The following DHRS3 variants were observed in gnomAD, a reference collection of about 807,000 sequenced individuals.
The protein encoded by DHRS3 is dehydrogenase/reductase 3.
A neutral mutation model predicts 27.2 loss-of-function variants in DHRS3; 14 were observed. That is an observed-to-expected ratio of 0.52 (90% CI 0.34 to 0.81). DHRS3 has a LOEUF of 0.81. Ranked by LOEUF, DHRS3 falls within the 30% of genes least tolerant of loss-of-function variation. The probability of loss-of-function intolerance (pLI) is 0.01; values close to 1 mark genes in which losing one functional copy is unlikely to be tolerated. For synonymous variants in DHRS3, 165 were observed against 175.9 expected, an observed-to-expected ratio of 0.94 and a Z score of 0.49; for missense variants, 322 against 406.2, an observed-to-expected ratio of 0.79 and a Z score of 1.78.
rs1239539086 is a variant in DHRS3 at position 12,586,325 on chromosome 1, CT to C, written c.196-5660del. On this transcript the variant is annotated intron_variant, in intron 1 of 5. Transcript: ENST00000616661. The surrounding 1 kb of genome is among the most constrained non-coding windows in gnomAD (Gnocchi z 5.0). ...GCCTTGGCCCTTTGCAGAGGCACCC[CT>C]AAGCCCCCAGGCACGGTGGGGTCGT... 2.0e-5 allele frequency among the ~76,000 whole-genome samples: 3 copies of C among 152,236 alleles called. No individual in the cohort carries two copies. The highest frequency in any genetic ancestry group is 7.2e-5 in the African/African-American group (3 of 41,458).
chr1:12,606,031 G>A (rs1646868068), intron 1 of DHRS3, among the ~76,000 whole-genome samples: 1 of 151,458 alleles, frequency 6.6e-6, no homozygotes, highest in Admixed American at 6.6e-5. Flanking sequence ...CCAGCTACTT[G>A]GGAGGCTGAG....
chr1:12,605,981 A>T (rs966954577), intron 1 of DHRS3, among the ~76,000 whole-genome samples: 15 of 152,072 alleles, frequency 9.9e-5, no homozygotes, highest in Non-Finnish European at 2.2e-4. Flanking sequence ...TCTACTAAAA[A>T]TACAAAAATT....
At chr1:12,569,217 C>T (rs894568025) in intron 5 of DHRS3, among the ~76,000 whole-genome samples, 31,078 of 141,182 alleles carry the variant, frequency 0.22, 3,676 homozygotes, top group East Asian at 0.44. Context: ...AACTCTGTCC[C>T]CTCTCTCTCT....
intron 1 of DHRS3, among the ~76,000 whole-genome samples, chr1:12,597,800 G>A (rs1054784510): frequency 3.9e-5 from 6 of 152,190 alleles, no homozygotes; most frequent in Non-Finnish European, 8.8e-5. Context: ...CACATCATTC[G>A]CAGGGTCCCT....
chr1:12,572,485 T>TC (rs1029327507), intron 5 of DHRS3, among the ~76,000 whole-genome samples: 13 of 152,250 alleles, frequency 8.5e-5, no homozygotes, highest in African/African-American at 2.7e-4. Context: ...TTTTAATTTC[T>TC]AATATAGTAA....
At chr1:12,585,350 T>TACA (rs377051714) in intron 1 of DHRS3, among the ~76,000 whole-genome samples, 110 of 150,658 alleles carry the variant, frequency 7.3e-4, no homozygotes, top group African/African-American at 2.6e-3. Context: ...TGTCTCTGTG[T>TACA]GAGTGTGTGT....
intron 5 of DHRS3, among the ~76,000 whole-genome samples, chr1:12,571,556 G>A (rs1646537426): frequency 6.8e-6 from 1 of 146,652 alleles, no homozygotes; most frequent in African/African-American, 2.5e-5. Context: ...TTGAGACGGA[G>A]TCTTGTTCTT....
At position 12,586,193 on chromosome 1, in the gene DHRS3, C is replaced by T. The variant is rs949298611; in HGVS notation, c.196-5527G>A. On this transcript the variant is annotated intron_variant, in intron 1 of 5. Transcript: ENST00000616661. The surrounding 1 kb of genome is among the most constrained non-coding windows in gnomAD (Gnocchi z 5.0). The stretch of plus-strand genomic sequence containing the variant: ...AGACAGATTCCTCAGCAGCCCTCTG[C>T]GCTGAAGGCTGTCATTATCCGTGGT... 6.6e-5 allele frequency among the ~76,000 whole-genome samples: 10 copies of T among 152,188 alleles called. No individual in the cohort carries two copies. The highest frequency in any genetic ancestry group is 1.7e-4 in the African/African-American group (7 of 41,448).
At chr1:12,595,134 A>AAGGCAGCTCCGGGGGAAG (rs1273815348) in intron 1 of DHRS3, among the ~76,000 whole-genome samples, 1 of 152,082 alleles carries the variant, frequency 6.6e-6, no homozygotes, top group African/African-American at 2.4e-5. Context: ...CCAGGTGGCA[A>AAGGCAGCTCCGGGGGAAG]AGGCAGCTCC....
chr1:12,606,486 AT>A (rs1311269000), intron 1 of DHRS3, among the ~76,000 whole-genome samples: 1 of 151,814 alleles, frequency 6.6e-6, no homozygotes, highest in African/African-American at 2.4e-5. Flanking sequence ...ATTTTATTTT[AT>A]TTTATTTATT....
chr1:12,604,127 T>C (rs1429098246), intron 1 of DHRS3, among the ~76,000 whole-genome samples: 1 of 152,198 alleles, frequency 6.6e-6, no homozygotes, highest in Non-Finnish European at 1.5e-5. Flanking sequence ...CTTGAAGGGC[T>C]CTACAACCAG....
chr1:12,583,786 C>T (rs1051134475), intron 1 of DHRS3, among the ~76,000 whole-genome samples: 1 of 152,028 alleles, frequency 6.6e-6, no homozygotes, highest in Non-Finnish European at 1.5e-5. Context: ...ATCCATGCAT[C>T]CATCCATCCC....
At chr1:12,615,420 G>A (rs1473484764) in intron 1 of DHRS3, among the ~76,000 whole-genome samples, 1 of 152,148 alleles carries the variant, frequency 6.6e-6, no homozygotes, top group Non-Finnish European at 1.5e-5. Context: ...TCCAAGTTAG[G>A]TGGGGTTTGG....
intron 5 of DHRS3, among the ~76,000 whole-genome samples, chr1:12,571,861 G>A (rs565282853): frequency 6.6e-6 from 1 of 152,162 alleles, no homozygotes; most frequent in African/African-American, 2.4e-5. Flanking sequence ...ATACTAAGAT[G>A]TTATTTGTCT....
At position 12,617,314 on chromosome 1, in the gene DHRS3, A is replaced by C; in HGVS notation, c.35T>G (p.Phe12Cys). 2 of 1,607,732 alleles carry C rather than the reference A, an allele frequency of 1.2e-6. No homozygotes were observed. Among genetic ancestry groups the C allele is most frequent in the Non-Finnish European group, 1.7e-6 (2 of 1,175,220 alleles). Reference protein sequence around the residue: ...VWKRLGALVMFPLQMIYLVVK... With the variant: ...VWKRLGALVMCPLQMIYLVVK... ...CACCAGATAGATCATCTGTAGAGGG[A>C]ACATCACCAGCGCGCCCAGCCGTTT... Residue 12 changes from phenylalanine to cysteine, a missense_variant, in exon 1 of 6, where the codon TTC (phenylalanine) becomes TGC (cysteine). Coordinates refer to ENST00000616661, the MANE Select transcript of DHRS3 (RefSeq NM_004753.7).
intron 4 of DHRS3, among the ~76,000 whole-genome samples, chr1:12,576,918 C>G (rs890749881): frequency 2.7e-5 from 4 of 150,936 alleles, no homozygotes; most frequent in Non-Finnish European, 4.4e-5. Context: ...TCAAGCCATC[C>G]TCCTGCCTCA....
At chr1:12,606,871 G>A (rs1239941522) in intron 1 of DHRS3, among the ~76,000 whole-genome samples, 2 of 152,146 alleles carry the variant, frequency 1.3e-5, no homozygotes, top group African/African-American at 4.8e-5. Flanking sequence ...AGAGGATGAA[G>A]CATTAACCAC....
intron 1 of DHRS3, among the ~76,000 whole-genome samples, chr1:12,599,487 T>C (rs1313753521): frequency 6.6e-6 from 1 of 152,256 alleles, no homozygotes; most frequent in African/African-American, 2.4e-5. Context: ...GGGCTGGTCG[T>C]GCATCCTGTA....
In DHRS3 at chr1:12,574,435, G is replaced by A. The variant is rs1444361541; in HGVS notation, c.699-1582C>T. Among the ~76,000 whole-genome samples the A allele has an allele frequency of 6.6e-6, 1 of 152,232 alleles. No individual in the cohort carries two copies. The highest frequency in any genetic ancestry group is 2.4e-5 in the African/African-American group (1 of 41,464). ...CCCTGCCTCAGCCTCCCAAAGCACT[G>A]GGATTACTGGTGTGAACCCAGCTAC... On this transcript the variant is annotated intron_variant, in intron 4 of 5. Coordinates refer to ENST00000616661, the MANE Select transcript of DHRS3 (RefSeq NM_004753.7). The surrounding 1 kb of genome is among the most constrained non-coding windows in gnomAD (Gnocchi z 4.6).
Sources: allele counts gnomAD v4.1 joint callset (sites outside exome capture counted in the v4.1 genomes callset), GRCh38; gene constraint gnomAD v4.1.1; non-coding constraint Gnocchi (gnomAD v3.1); transcripts MANE v1.5; gene names NCBI Gene and HGNC (gene_info 2026-07-23, HGNC 2026-07-21).